The following MGMT variants were observed in gnomAD, a reference collection of about 807,000 sequenced individuals.
MGMT encodes methylated-DNA--protein-cysteine methyltransferase.
MGMT carries 14 observed loss-of-function variants against 15.9 expected under a neutral mutation model. The observed-to-expected ratio is 0.88, with a 90% confidence interval of 0.58 to 1.37. The LOEUF is 1.37. MGMT is among the 40% of genes most tolerant of loss of function. The pLI, the probability that MGMT is intolerant of heterozygous loss-of-function variation, is 0.00. For missense variants in MGMT, 282 were observed against 268.1 expected (o/e 1.05, Z -0.36); for synonymous variants, 130 against 118.2 (o/e 1.10, Z -0.65).
chr10:129,467,276 G>A lies in MGMT; in HGVS notation c.-33G>A. The A allele has an allele frequency of 6.5e-7, 1 of 1,544,414 alleles. No homozygotes were observed. The highest frequency in any genetic ancestry group is 8.7e-7 in the Non-Finnish European group (1 of 1,145,500). On this transcript the variant is annotated 5_prime_UTR_variant, in exon 1 of 5. The change creates a new upstream start codon in the 5' untranslated region. Transcript: ENST00000651593. ...GTCCCGACGCCCGCAGGTCCTCGCG[G>A]TGCGCACCGTTTGCGACTTGGTGAG...
At chr10:129,669,625 G>A (rs1847699326) in intron 2 of MGMT, among the ~76,000 whole-genome samples, 1 of 152,092 alleles carries the variant, frequency 6.6e-6, no homozygotes, top group Admixed American at 6.5e-5. Flanking sequence ...CTCTTCAATT[G>A]CACAGTTAAA....
intron 2 of MGMT, among the ~76,000 whole-genome samples, chr10:129,613,321 C>T (rs1306963885): frequency 3.9e-5 from 6 of 152,218 alleles, no homozygotes; most frequent in South Asian, 2.1e-4. Context: ...AAAGCAAAGA[C>T]GGGAAGCGTC....
At chr10:129,749,043 G>C (rs1454364549) in intron 3 of MGMT, among the ~76,000 whole-genome samples, 1 of 152,218 alleles carries the variant, frequency 6.6e-6, no homozygotes, top group East Asian at 1.9e-4. Context: ...CCCCCATTCA[G>C]TGAGGACGTT....
At chr10:129,716,830 A>G (rs1848304332) in intron 3 of MGMT, among the ~76,000 whole-genome samples, 2 of 152,262 alleles carry the variant, frequency 1.3e-5, no homozygotes, top group Admixed American at 1.3e-4. Flanking sequence ...TGTGAATCGC[A>G]TCCTTGAAAA....
At chr10:129,664,239 T>TA (rs1847631843) in intron 2 of MGMT, among the ~76,000 whole-genome samples, 2 of 152,350 alleles carry the variant, frequency 1.3e-5, no homozygotes, top group South Asian at 4.1e-4. Flanking sequence ...GCAAGTAACT[T>TA]AAACACTGTA....
chr10:129,766,658 A>G (rs1848938840), intron 4 of MGMT, 130 bp from the exon 5 acceptor site: 1 of 797,410 alleles, frequency 1.3e-6, no homozygotes, highest in South Asian at 1.8e-5. Context: ...ACCCATGCCA[A>G]CAGCCTGCCC....
intron 2 of MGMT, among the ~76,000 whole-genome samples, chr10:129,627,413 T>TA (rs1847161958): frequency 8.6e-6 from 1 of 116,596 alleles, no homozygotes; most frequent in African/African-American, 2.7e-5. Flanking sequence ...CCTCCTCTAC[T>TA]CAAAAAAAAG....
chr10:129,657,701 ACACACGCACACACACACACACACACACC>A (rs1564750836), intron 2 of MGMT, among the ~76,000 whole-genome samples: 2 of 131,108 alleles, frequency 1.5e-5, no homozygotes, highest in South Asian at 2.3e-4. Flanking sequence ...ACACACACAC[ACACACGCACACACACACACACACACACC>A]CCCTCTCCCC....
chr10:129,551,440 G>A (rs1037572903), intron 2 of MGMT, among the ~76,000 whole-genome samples: 10 of 152,038 alleles, frequency 6.6e-5, no homozygotes, highest in Non-Finnish European at 1.0e-4. Context: ...GAGGGATGGA[G>A]AGGTGACTTC....
intron 2 of MGMT, among the ~76,000 whole-genome samples, chr10:129,656,137 G>T (rs959103535): frequency 6.6e-6 from 1 of 152,180 alleles, no homozygotes. Context: ...TAGTTGGTGC[G>T]GTGCCCCTCC....
chr10:129,692,027 G>A (rs778291639), intron 2 of MGMT, among the ~76,000 whole-genome samples: 14 of 152,188 alleles, frequency 9.2e-5, no homozygotes, highest in Non-Finnish European at 1.8e-4. Context: ...AGACGTGGGC[G>A]GTGCACGTGG....
At chr10:129,578,137 G>A (rs1386455280) in intron 2 of MGMT, among the ~76,000 whole-genome samples, 1 of 152,122 alleles carries the variant, frequency 6.6e-6, no homozygotes, top group African/African-American at 2.4e-5. Flanking sequence ...ATTCCTCAAG[G>A]ATCTAGAACT....
intron 3 of MGMT, among the ~76,000 whole-genome samples, chr10:129,729,672 C>T (rs866002526): frequency 1.3e-5 from 2 of 152,228 alleles, no homozygotes; most frequent in Admixed American, 6.5e-5. Context: ...GTCCTTCTGA[C>T]AGCTCTGTCA....
rs1030806728 is a variant in MGMT at position 129,745,307 on chromosome 10, C to T, written c.275-13895C>T. On this transcript the variant is annotated intron_variant, in intron 3 of 4. Transcript: ENST00000651593. ...GTATACAGTCCCGTGAATGTTAACG[C>T]GTGTGTGTGTTTCTGTAACCACCCC... 3.3e-5 allele frequency among the ~76,000 whole-genome samples: 5 copies of T among 152,058 alleles called. No homozygotes were observed. In the East Asian group the frequency reaches 5.8e-4, roughly 18 times the overall value.
intron 1 of MGMT, among the ~76,000 whole-genome samples, chr10:129,471,686 A>G (rs1297525010): frequency 3.3e-5 from 5 of 152,134 alleles, no homozygotes. Flanking sequence ...TCTCGATTGC[A>G]GGGCCCCATG....
At chr10:129,527,500 C>T (rs60042126) in intron 1 of MGMT, among the ~76,000 whole-genome samples, 2 of 151,944 alleles carry the variant, frequency 1.3e-5, no homozygotes, top group African/African-American at 4.8e-5. Flanking sequence ...TCAGGGAAGG[C>T]GGGCCGGGAA....
chr10:129,758,672 T>C (rs1848834639), intron 3 of MGMT, among the ~76,000 whole-genome samples: 1 of 152,216 alleles, frequency 6.6e-6, no homozygotes, highest in African/African-American at 2.4e-5. Context: ...CGCCAGCCCC[T>C]GCGTACTGTG....
intron 2 of MGMT, among the ~76,000 whole-genome samples, chr10:129,618,888 G>A (rs570671567): frequency 6.6e-5 from 10 of 151,178 alleles, no homozygotes; most frequent in Non-Finnish European, 1.3e-4. Flanking sequence ...GTTGCCCAAG[G>A]ATTCTTTAGT....
intron 1 of MGMT, among the ~76,000 whole-genome samples, chr10:129,468,188 C>G (rs1182902255): frequency 6.6e-6 from 1 of 152,206 alleles, no homozygotes; most frequent in Non-Finnish European, 1.5e-5. Context: ...TCATCTCCCC[C>G]ATCCCTGGGC....
Sources: gnomAD v4.1 joint callset for allele counts (sites outside exome capture counted in the v4.1 genomes callset) on GRCh38, gnomAD v4.1.1 for gene constraint, MANE v1.5 for transcripts, NCBI Gene and HGNC (gene_info 2026-07-23, HGNC 2026-07-21) for gene names.